MME: variants seen among roughly 807,000 people sequenced by gnomAD.
MME encodes membrane metalloendopeptidase, also known as neprilysin.
MME carries 98 observed loss-of-function variants against 113.2 expected under a neutral mutation model. The observed-to-expected ratio is 0.87, with a 90% CI of 0.74 to 1.02. MME has a LOEUF of 1.02. Ranked by LOEUF, MME falls within the 50% of genes least tolerant of loss-of-function variation. The pLI is 0.00. For missense variants in MME, 836 were observed against 896.0 expected (o/e 0.93, Z 0.86); for synonymous variants, 292 against 300.6 (o/e 0.97, Z 0.30).
chr3:155,138,138 G>A lies in MME; in HGVS notation c.757G>A (p.Ala253Thr). ...ATATGTGGATTTTATGATTTCTGTG[G>A]CCAGATTGATTCGTCAGGAAGAAAG... Reference protein sequence around the residue: ...TAYVDFMISVARLIRQEERLP... With the variant: ...TAYVDFMISVTRLIRQEERLP... The change falls in exon 9 of 23, where the codon GCC becomes ACC. Residue 253 changes from alanine to threonine, a missense_variant. By Grantham distance (58) the Ala-to-Thr change is moderately conservative. Transcript: ENST00000360490. The A allele has an allele frequency of 1.9e-6, 3 of 1,613,606 alleles. No homozygotes were observed. Among genetic ancestry groups the A allele is most frequent in the Non-Finnish European group, 2.5e-6 (3 of 1,179,774 alleles).
chr3:155,133,062 A>AATATATATATATATAT (rs1553762420), intron 8 of MME, among the ~76,000 whole-genome samples: 13 of 75,078 alleles, frequency 1.7e-4, no homozygotes, highest in South Asian at 3.9e-4. Context: ...AAAAAAAAAA[A>AATATATATATATATAT]ATATATATAT....
chr3:155,083,074 C>A (rs186591317), intron 1 of MME, among the ~76,000 whole-genome samples: 2 of 152,286 alleles, frequency 1.3e-5, no homozygotes, highest in Middle Eastern at 3.4e-3. Context: ...TGGAGACTGG[C>A]TGATAAAGTG....
chr3:155,105,037 G>C (rs997107979), intron 3 of MME, among the ~76,000 whole-genome samples: 2 of 151,940 alleles, frequency 1.3e-5, no homozygotes, highest in Non-Finnish European at 2.9e-5. Context: ...AATATGTTTC[G>C]GTTGCGAATT....
chr3:155,141,413 A>G (rs995477825), intron 10 of MME, among the ~76,000 whole-genome samples: 1 of 152,148 alleles, frequency 6.6e-6, no homozygotes, highest in African/African-American at 2.4e-5. Context: ...GAAAGACAAG[A>G]TTTCATCTTT....
intron 3 of MME, among the ~76,000 whole-genome samples, chr3:155,100,103 A>C (rs1001682833): frequency 2.0e-5 from 3 of 152,216 alleles, no homozygotes; most frequent in African/African-American, 7.2e-5. Context: ...CTACCATCAG[A>C]GTGAACAGGC....
At chr3:155,093,977 T>C in intron 3 of MME, among the ~76,000 whole-genome samples, 1 of 152,220 alleles carries the variant, frequency 6.6e-6, no homozygotes, top group East Asian at 1.9e-4. Context: ...TTCCTATTCC[T>C]CTTTTCTTTC....
At chr3:155,042,501 A>G (rs890817969) in intron 1 of MME, among the ~76,000 whole-genome samples, 4 of 152,160 alleles carry the variant, frequency 2.6e-5, no homozygotes, top group African/African-American at 9.6e-5. Context: ...GTTTATACAT[A>G]TGTGCATAAC....
intron 1 of MME, among the ~76,000 whole-genome samples, chr3:155,060,829 C>CAGAGAGAGAGAGAG (rs138935329): frequency 1.3e-3 from 174 of 137,740 alleles, no homozygotes; most frequent in African/African-American, 4.2e-3. Context: ...TGCAGAGAGG[C>CAGAGAGAGAGAGAG]AGAGAGAGAG....
chr3:155,054,498 A>G (rs1576672813), intron 1 of MME, among the ~76,000 whole-genome samples: 1 of 152,308 alleles, frequency 6.6e-6, no homozygotes, highest in East Asian at 1.9e-4. Flanking sequence ...GCACTCTCCC[A>G]TATAATTTTG....
intron 8 of MME, among the ~76,000 whole-genome samples, chr3:155,124,553 T>C (rs1381526233): frequency 2.6e-5 from 4 of 152,226 alleles, no homozygotes; most frequent in Non-Finnish European, 5.9e-5. Flanking sequence ...TGTGCTTTTA[T>C]CTACTTTTGG....
intron 14 of MME, 31 bp from the exon 15 acceptor site, chr3:155,147,113 A>G (rs754159125): frequency 1.5e-6 from 2 of 1,348,968 alleles, no homozygotes; most frequent in Non-Finnish European, 2.1e-6. Context: ...TTATATAATC[A>G]TCTTCACATT....
At chr3:155,042,803 G>A (rs1446152544) in intron 1 of MME, among the ~76,000 whole-genome samples, 3 of 149,396 alleles carry the variant, frequency 2.0e-5, no homozygotes, top group African/African-American at 7.4e-5. Flanking sequence ...TTTCTGTCAA[G>A]TGTTTATCAT....
chr3:155,137,950 G>T, intron 8 of MME, 152 bp from the exon 9 acceptor site: 1 of 825,594 alleles, frequency 1.2e-6, no homozygotes, highest in Non-Finnish European at 2.0e-6. Context: ...AAGAATCTGT[G>T]CAGGTCATTT....
chr3:155,116,720 G>C lies in MME; in HGVS notation c.496G>C (p.Gly166Arg), dbSNP rs765824805. The C allele has an allele frequency of 1.2e-6, 2 of 1,613,514 alleles. No individual in the cohort carries two copies. Among genetic ancestry groups the C allele is most frequent in the South Asian group, 2.2e-5 (2 of 91,028 alleles). The change falls in exon 6 of 23, where the codon GGG (glycine) becomes CGG (arginine). Residue 166 changes from glycine (G) to arginine (R), a missense_variant. By Grantham distance (125) the Gly-to-Arg change is moderately radical. Transcript: ENST00000360490. ...ACTCAAACTGTTACCAGACATATAT[G>C]GGTGGCCAGTAGCAACAGAAAACTG... ...PLLKLLPDIY[G>R]WPVATENWEQ...
Position 155,115,126 on chromosome 3 carries a change from T to C in MME, c.329T>C (p.Leu110Ser). Residue 110 changes from leucine (L) to serine (S), a missense_variant, in exon 4 of 23, where the codon TTA (leucine) becomes TCA (serine). Transcript: ENST00000360490. Reference sequence around the variant, plus strand: ...TCCCGTTACGGCAACTTTGACATTTTAAGAGATGAACTAGAAGTCGTTTTG... The same window carrying C: ...TCCCGTTACGGCAACTTTGACATTTCAAGAGATGAACTAGAAGTCGTTTTG... ...TSSRYGNFDI[L>S]RDELEVVLKD... 1 of 1,614,156 alleles carries C rather than the reference T, an allele frequency of 6.2e-7. No homozygotes were observed. The highest frequency in any genetic ancestry group is 1.1e-5 in the South Asian group (1 of 91,084).
intron 3 of MME, among the ~76,000 whole-genome samples, chr3:155,093,195 T>C (rs1716438926): frequency 6.6e-6 from 1 of 152,148 alleles, no homozygotes; most frequent in African/African-American, 2.4e-5. Flanking sequence ...GCAGTTTAAA[T>C]GATTATATGT....
At chr3:155,125,520 C>G (rs6804455) in intron 8 of MME, among the ~76,000 whole-genome samples, 52,492 of 137,710 alleles carry the variant, frequency 0.38, 10,161 homozygotes, top group South Asian at 0.57. Context: ...AGTGCAGTGG[C>G]GCAATCTTGG....
intron 17 of MME, among the ~76,000 whole-genome samples, chr3:155,164,182 CA>C (rs1179220139): frequency 6.6e-6 from 1 of 151,068 alleles, no homozygotes; most frequent in Non-Finnish European, 1.5e-5. Flanking sequence ...TATTTTCCAC[CA>C]AAAAAATTAC....
At chr3:155,140,061 A>C (rs1720940981) in intron 9 of MME, 130 bp from the exon 10 acceptor site, 1 of 540,930 alleles carries the variant, frequency 1.8e-6, no homozygotes, top group Non-Finnish European at 3.1e-6. Context: ...GACAAAACAA[A>C]TTACAAAAAC....
Sources: gnomAD v4.1 joint callset for allele counts (sites outside exome capture counted in the v4.1 genomes callset) on GRCh38, gnomAD v4.1.1 for gene constraint, MANE v1.5 for transcripts, NCBI Gene and HGNC (gene_info 2026-07-23, HGNC 2026-07-21) for gene names.